EPB41L4A: variants seen among roughly 807,000 people sequenced by gnomAD.
EPB41L4A encodes erythrocyte membrane protein band 4.1 like 4A, also known as band 4.1-like protein 4A.
EPB41L4A carries 100 observed loss-of-function variants against 108.6 expected under a neutral mutation model. The observed-to-expected ratio is 0.92, with a 90% CI of 0.78 to 1.09. The LOEUF (loss-of-function observed/expected upper bound fraction) is 1.09, where lower values mean the gene tolerates loss of function less well. Ranked by LOEUF, EPB41L4A falls within the 50% of genes least tolerant of loss-of-function variation. The pLI is 0.00. For missense variants in EPB41L4A, 1,030 were observed against 842.7 expected, an observed-to-expected ratio of 1.22 and a Z score of -2.75; for synonymous variants, 319 against 289.0, an observed-to-expected ratio of 1.10 and a Z score of -1.05.
At chr5:112,419,553 C>G (rs1762963932), upstream of EPB41L4A, 1 of 436,640 alleles carries the variant, frequency 2.3e-6, no homozygotes. Flanking sequence ...GCGCGCACTT[C>G]CAGCCGCGAC....
At chr5:112,384,265 T>C (rs1384002446) in intron 1 of EPB41L4A, among the ~76,000 whole-genome samples, 1 of 152,198 alleles carries the variant, frequency 6.6e-6, no homozygotes, top group Non-Finnish European at 1.5e-5. Context: ...TCCATCTCGA[T>C]AAAACTGTCA....
intron 1 of EPB41L4A, among the ~76,000 whole-genome samples, chr5:112,332,225 G>A (rs979558279): frequency 2.0e-5 from 3 of 152,096 alleles, no homozygotes; most frequent in Non-Finnish European, 4.4e-5. Flanking sequence ...TTTGTTTTTA[G>A]TTCTCTATTC....
intron 1 of EPB41L4A, chr5:112,392,826 C>A (rs532716048): frequency 6.6e-6 from 1 of 152,048 alleles, no homozygotes; most frequent in South Asian, 2.1e-4. Context: ...CCAAAATTGA[C>A]GACATAATTG....
chr5:112,196,072 T>G (rs958366105), intron 15 of EPB41L4A, among the ~76,000 whole-genome samples: 1 of 152,130 alleles, frequency 6.6e-6, no homozygotes, highest in Non-Finnish European at 1.5e-5. Context: ...AAATTCTCTT[T>G]ATCTCTTCTC....
chr5:112,391,588 A>G (rs1237463177), intron 1 of EPB41L4A, among the ~76,000 whole-genome samples: 2 of 152,204 alleles, frequency 1.3e-5, no homozygotes, highest in African/African-American at 4.8e-5. Flanking sequence ...ATGTGAAAAG[A>G]CCAAATCTAC....
chr5:112,377,684 C>T (rs1021303413), intron 1 of EPB41L4A, among the ~76,000 whole-genome samples: 1 of 152,142 alleles, frequency 6.6e-6, no homozygotes, highest in Non-Finnish European at 1.5e-5. Context: ...TAGAAAACAC[C>T]ACAGCCTGGA....
At chr5:112,315,593 A>G (rs1025964174) in intron 1 of EPB41L4A, among the ~76,000 whole-genome samples, 1 of 152,224 alleles carries the variant, frequency 6.6e-6, no homozygotes, top group African/African-American at 2.4e-5. Context: ...GTTTACTTTT[A>G]ACTTTAAAAT....
rs79642937 is a variant in EPB41L4A, at chr5:112,287,255, C to T, written c.205-6932G>A. On this transcript the variant is annotated intron_variant, in intron 2 of 22. Transcript: ENST00000261486. The stretch of plus-strand genomic sequence containing the variant: ...CAAACTTTAGATGTCCAAAAGAAAA[C>T]TGATGATTCTACCCCCTCAAAAAAA... Among the ~76,000 whole-genome samples, 1,308 of 152,278 alleles carry T rather than the reference C, an allele frequency of 8.6e-3. 6 individuals are homozygous for T. The highest frequency in any genetic ancestry group is 0.014 in the Non-Finnish European group (924 of 68,010).
In EPB41L4A at chr5:112,193,521, G is replaced by A. The variant is rs376644119; in HGVS notation, c.1502+1047C>T. Among the ~76,000 whole-genome samples, 20 of 152,208 alleles carry A rather than the reference G, an allele frequency of 1.3e-4. No individual in the cohort carries two copies. In the East Asian group the frequency reaches 2.1e-3, roughly 16 times the overall value. On this transcript the variant is annotated intron_variant, in intron 17 of 22. Coordinates refer to ENST00000261486, the MANE Select transcript of EPB41L4A (RefSeq NM_022140.5). The stretch of plus-strand genomic sequence containing the variant: ...TCTCCATGTTGGTCAGGCTGGTCTC[G>A]AACTCCCAACCTCAGGTGATCTGCC...
At chr5:112,277,194 G>C (rs554677743) in intron 3 of EPB41L4A, among the ~76,000 whole-genome samples, 85 of 152,272 alleles carry the variant, frequency 5.6e-4, no homozygotes, top group African/African-American at 1.9e-3. Context: ...TGGTACCTAG[G>C]GGGCGGGGAG....
At chr5:112,314,534 AAAAAG>A (rs1561563665) in intron 1 of EPB41L4A, among the ~76,000 whole-genome samples, 2,314 of 132,398 alleles carry the variant, frequency 0.017, 19 homozygotes, top group African/African-American at 0.029. Context: ...AAAAAAAAAA[AAAAAG>A]AAAAGAAATT....
intron 1 of EPB41L4A, among the ~76,000 whole-genome samples, chr5:112,329,747 T>C (rs907329213): frequency 6.6e-6 from 1 of 151,778 alleles, no homozygotes; most frequent in Non-Finnish European, 1.5e-5. Context: ...AAAAAGGGGG[T>C]GTGAATGGAT....
intron 1 of EPB41L4A, among the ~76,000 whole-genome samples, chr5:112,356,544 C>G (rs1006033253): frequency 6.6e-6 from 1 of 152,186 alleles, no homozygotes; most frequent in East Asian, 1.9e-4. Flanking sequence ...TAATAATATG[C>G]AAGAAACATA....
At chr5:112,329,800 C>G (rs1357578080) in intron 1 of EPB41L4A, among the ~76,000 whole-genome samples, 1 of 151,794 alleles carries the variant, frequency 6.6e-6, no homozygotes, top group African/African-American at 2.4e-5. Context: ...CTTTCAGCAC[C>G]CCACCCCCTC....
At chr5:112,217,776 A>G (rs943122565) in intron 12 of EPB41L4A, among the ~76,000 whole-genome samples, 4 of 152,218 alleles carry the variant, frequency 2.6e-5, no homozygotes, top group Non-Finnish European at 5.9e-5. Flanking sequence ...AGATATACAT[A>G]GACTTTTTAG....
intron 1 of EPB41L4A, among the ~76,000 whole-genome samples, chr5:112,400,531 A>G (rs979137609): frequency 2.0e-5 from 3 of 152,116 alleles, no homozygotes; most frequent in African/African-American, 4.8e-5. Flanking sequence ...ACACAGTGGG[A>G]ACAGGAGCAA....
chr5:112,163,896 A>T lies in EPB41L4A; in HGVS notation c.*1094T>A, dbSNP rs958976133. 6.6e-6 allele frequency: 1 copy of T among 152,468 alleles called. No homozygotes were observed. Among genetic ancestry groups the T allele is most frequent in the Non-Finnish European group, 1.5e-5 (1 of 68,190 alleles). The allele number at this position is 152,468 out of a possible 1,614,324, so 9.4% of individuals were successfully genotyped here. On this transcript the variant is annotated 3_prime_UTR_variant, in exon 23 of 23. Transcript: ENST00000261486. ...TGAAAAGGCTGGGAGAAGAGCATCC[A>T]AAGCACAGGTGGAGAGACAAAAAGG...
chr5:112,259,909 T>G lies in EPB41L4A; in HGVS notation c.713A>C (p.Gln238Pro). ...VGVVVYKNKK[Q>P]VGKYFWPRIT... The stretch of plus-strand genomic sequence containing the variant: ...TACCTACCAGAAATACTTCCCCACT[T>G]GCTTTTTATTCTTGTACACAACAAC... The change falls in exon 8 of 23, where the codon CAA becomes CCA. Residue 238 changes from glutamine to proline, a missense_variant. Gln to Pro is a moderately conservative substitution (Grantham distance 76, BLOSUM62 -1). Coordinates refer to ENST00000261486, the MANE Select transcript of EPB41L4A (RefSeq NM_022140.5). 3.1e-6 allele frequency: 5 copies of G among 1,613,932 alleles called. No homozygotes were observed. Among genetic ancestry groups the G allele is most frequent in the Non-Finnish European group, 4.2e-6 (5 of 1,179,802 alleles).
At chr5:112,391,926 T>C (rs934407203) in intron 1 of EPB41L4A, among the ~76,000 whole-genome samples, 2 of 152,200 alleles carry the variant, frequency 1.3e-5, no homozygotes, top group Non-Finnish European at 2.9e-5. Context: ...GTATTCAACA[T>C]TCTTAAAGAA....
Sources: allele counts gnomAD v4.1 joint callset (sites outside exome capture counted in the v4.1 genomes callset), GRCh38; gene constraint gnomAD v4.1.1; transcripts MANE v1.5; gene names NCBI Gene and HGNC (gene_info 2026-07-23, HGNC 2026-07-21).